SLC2A9: variants seen among roughly 807,000 people sequenced by gnomAD.
The protein encoded by SLC2A9 is solute carrier family 2 member 9.
SLC2A9 carries 39 observed loss-of-function variants against 50.6 expected under a neutral mutation model. That is an observed-to-expected ratio of 0.77 (90% CI 0.60 to 1.01). The LOEUF is 1.01. SLC2A9 is among the 50% of genes least tolerant of loss of function. The pLI is 0.00. For missense variants in SLC2A9, 686 were observed against 677.6 expected (o/e 1.01, Z -0.14); for synonymous variants, 324 against 276.9 (o/e 1.17, Z -1.69).
At chr4:9,979,302 A>G (rs1013488486) in intron 5 of SLC2A9, among the ~76,000 whole-genome samples, 6 of 152,180 alleles carry the variant, frequency 3.9e-5, no homozygotes, top group Non-Finnish European at 7.4e-5. Context: ...AGTCTTTTAC[A>G]TAACTGCTCT....
intron 10 of SLC2A9, among the ~76,000 whole-genome samples, chr4:9,883,442 T>C (rs1735594542): frequency 6.6e-6 from 1 of 152,216 alleles, no homozygotes; most frequent in South Asian, 2.1e-4. Flanking sequence ...GGGGAGCCCC[T>C]AACCCCTGTG....
At chr4:9,875,353 T>C (rs55916827) in intron 10 of SLC2A9, among the ~76,000 whole-genome samples, 7,722 of 135,436 alleles carry the variant, frequency 0.057, no homozygotes, top group African/African-American at 0.083. Flanking sequence ...GATGGGATGC[T>C]GTGTCTTTAG....
At chr4:9,967,723 G>T (rs1461644782) in intron 5 of SLC2A9, among the ~76,000 whole-genome samples, 1 of 151,940 alleles carries the variant, frequency 6.6e-6, no homozygotes, top group East Asian at 1.9e-4. Context: ...TGGTAAGAAA[G>T]ATTTAAGAAA....
intron 3 of SLC2A9, among the ~76,000 whole-genome samples, chr4:9,791,507 G>A (rs112770446): frequency 1.4e-4 from 21 of 152,318 alleles, no homozygotes; most frequent in African/African-American, 5.1e-4. Context: ...AGGGGGAGGA[G>A]ATTTTTAGGG....
chr4:9,883,642 C>A (rs1212547811), intron 10 of SLC2A9, among the ~76,000 whole-genome samples: 1 of 152,182 alleles, frequency 6.6e-6, no homozygotes, highest in Non-Finnish European at 1.5e-5. Flanking sequence ...GGGCAAAGAA[C>A]AGGACAGAGC....
chr4:9,874,652 G>C (rs62293275), intron 10 of SLC2A9, among the ~76,000 whole-genome samples: 1 of 152,170 alleles, frequency 6.6e-6, no homozygotes, highest in East Asian at 1.9e-4. Context: ...TGACTGTTTT[G>C]CTTGTGAGTT....
At chr4:9,972,506 GC>G (rs1287347463) in intron 5 of SLC2A9, among the ~76,000 whole-genome samples, 6 of 152,098 alleles carry the variant, frequency 3.9e-5, no homozygotes, top group Non-Finnish European at 7.4e-5. Flanking sequence ...CCTTCTAGCA[GC>G]CTACTCTAAA....
intron 5 of SLC2A9, 52 bp downstream of exon 5, chr4:9,980,540 A>T (rs1313253626): frequency 3.7e-6 from 6 of 1,612,428 alleles, no homozygotes; most frequent in Non-Finnish European, 5.1e-6. Flanking sequence ...TCCTTCCTGC[A>T]GTGGTAACAT....
intron 3 of SLC2A9, among the ~76,000 whole-genome samples, chr4:9,992,214 C>T (rs7663032): frequency 0.7 from 107,047 of 152,014 alleles, 37,979 homozygotes; most frequent in Non-Finnish European, 0.76. Flanking sequence ...GGAGTGGATG[C>T]GTGGTACAGG....
chr4:9,941,129 T>G lies in SLC2A9; in HGVS notation c.814+784A>C, dbSNP rs146242682. 4.7e-3 allele frequency among the ~76,000 whole-genome samples: 715 copies of G among 152,346 alleles called. 4 individuals are homozygous for G. The highest frequency in any genetic ancestry group is 5.8e-3 in the Non-Finnish European group (398 of 68,038). On this transcript the variant is annotated intron_variant, in intron 6 of 11. Transcript: ENST00000264784. ...TCACATGCCTAACTAACCATGGTGCTGTCAACTGCATCTCATTTTATAAAA... is the reference window on the plus strand; with the variant it reads ...TCACATGCCTAACTAACCATGGTGCGGTCAACTGCATCTCATTTTATAAAA...
At chr4:10,030,906 A>T (rs1250617513) in intron 1 of SLC2A9, among the ~76,000 whole-genome samples, 3 of 152,240 alleles carry the variant, frequency 2.0e-5, no homozygotes, top group Middle Eastern at 3.4e-3. Flanking sequence ...TAGACCTGGA[A>T]ACTGGGGCTT....
In SLC2A9 at chr4:9,936,648, C is replaced by T. The variant is rs73096640; in HGVS notation, c.814+5265G>A. Among the ~76,000 whole-genome samples the T allele has an allele frequency of 9.0e-3, 1,377 of 152,234 alleles. 21 individuals carry two copies. Among genetic ancestry groups the T allele is most frequent in the African/African-American group, 0.032 (1,328 of 41,530 alleles). On this transcript the variant is annotated intron_variant, in intron 6 of 11. Transcript: ENST00000264784. ...TCTGCATGTGTGCTGGTTCCAGCTA[C>T]AGAAGGGGCGGGAAGGCGCTCGACA...
At chr4:9,839,771 A>C (rs1464290292) in intron 10 of SLC2A9, among the ~76,000 whole-genome samples, 1 of 152,160 alleles carries the variant, frequency 6.6e-6, no homozygotes, top group Non-Finnish European at 1.5e-5. Context: ...ATGGGAGCTA[A>C]ATGATGAGAA....
At chr4:9,899,851 C>G (rs995398664) in intron 8 of SLC2A9, among the ~76,000 whole-genome samples, 1 of 152,160 alleles carries the variant, frequency 6.6e-6, no homozygotes, top group African/African-American at 2.4e-5. Context: ...GAAAGGCTGG[C>G]AGCAGACAGG....
intron 6 of SLC2A9, among the ~76,000 whole-genome samples, chr4:9,939,586 C>T (rs143306548): frequency 8.2e-4 from 123 of 150,626 alleles, no homozygotes; most frequent in Middle Eastern, 3.5e-3. Flanking sequence ...CAAGTTATCC[C>T]ATCCTTGGTT....
intron 1 of SLC2A9, chr4:10,035,524 G>A (rs1764072105): frequency 6.6e-6 from 1 of 152,180 alleles, no homozygotes; most frequent in South Asian, 2.1e-4. Flanking sequence ...CCACCTCATG[G>A]GCTGGCTGAA....
rs919913394 is a variant in SLC2A9 at position 9,810,766 on chromosome 4, T to C, written n.421-11525A>G. 2.0e-5 allele frequency among the ~76,000 whole-genome samples: 3 copies of C among 152,242 alleles called. No homozygotes were observed. The East Asian group carries it at 5.8e-4, about 29-fold the overall frequency. ...TTCTGGCGGTTGGCTTGGAGAGTTA[T>C]GCATTCATTTCCAAAGGAAGGAGAG... On this transcript the variant is annotated intron_variant and non_coding_transcript_variant, in intron 3 of 3. Transcript: ENST00000503280.
At chr4:9,806,582 G>A (rs1722145863) in intron 3 of SLC2A9, among the ~76,000 whole-genome samples, 1 of 152,128 alleles carries the variant, frequency 6.6e-6, no homozygotes, top group South Asian at 2.1e-4. Flanking sequence ...GCTGGGTTAG[G>A]GTCTCCACGA....
intron 6 of SLC2A9, among the ~76,000 whole-genome samples, chr4:9,935,175 T>C (rs1746842209): frequency 6.6e-6 from 1 of 152,268 alleles, no homozygotes; most frequent in African/African-American, 2.4e-5. Flanking sequence ...ATATGCCCAG[T>C]AATGGGATTG....
Sources: gnomAD v4.1 joint callset for allele counts (sites outside exome capture counted in the v4.1 genomes callset) on GRCh38, gnomAD v4.1.1 for gene constraint, MANE v1.5 for transcripts, NCBI Gene and HGNC (gene_info 2026-07-23, HGNC 2026-07-21) for gene names.